PDE1C: variants seen among roughly 807,000 people sequenced by gnomAD.
The protein encoded by PDE1C is dual specificity calcium/calmodulin-dependent 3',5'-cyclic nucleotide phosphodiesterase 1C.
A neutral mutation model predicts 93.1 loss-of-function variants in PDE1C; 62 were observed. The ratio of observed to expected loss-of-function variants is 0.67; its 90% CI spans 0.54 to 0.82. PDE1C has a LOEUF of 0.82. Ranked by LOEUF, PDE1C falls within the 40% of genes least tolerant of loss-of-function variation. The probability of loss-of-function intolerance (pLI) is 0.00; values close to 1 mark genes in which losing one functional copy is unlikely to be tolerated. For synonymous variants in PDE1C, 325 were observed against 310.1 expected (o/e 1.05, Z -0.50); for missense variants, 742 against 884.6 (o/e 0.84, Z 2.04).
chr7:31,842,412 C>T (rs76230432), intron 9 of PDE1C, among the ~76,000 whole-genome samples: 2,025 of 152,044 alleles, frequency 0.013, 45 homozygotes, highest in African/African-American at 0.044. Context: ...TTAAACTATC[C>T]AAGGCTGGAT....
At chr7:31,629,962 TATC>T in the PDE1C span, among the ~76,000 whole-genome samples, 430 of 152,088 alleles carry the variant, frequency 2.8e-3, 1 homozygote, top group African/African-American at 0.01. Flanking sequence ...ATATAATAAA[TATC>T]ATGAATATTT....
At chr7:32,282,274 C>T (rs1010436201) in intron 1 of PDE1C, among the ~76,000 whole-genome samples, 4 of 151,644 alleles carry the variant, frequency 2.6e-5, no homozygotes, top group Non-Finnish European at 4.4e-5. Flanking sequence ...GCCAGGAGTT[C>T]GAGACCAGCC....
At chr7:31,801,130 A>G (rs1562822095) in intron 16 of PDE1C, among the ~76,000 whole-genome samples, 1 of 151,088 alleles carries the variant, frequency 6.6e-6, no homozygotes, top group African/African-American at 2.4e-5. Context: ...AGAAGAAAGG[A>G]AATAATAAAG....
intron 2 of PDE1C, among the ~76,000 whole-genome samples, chr7:31,904,360 TA>T (rs548125686): frequency 6.1e-5 from 9 of 148,500 alleles, no homozygotes; most frequent in South Asian, 2.1e-4. Flanking sequence ...TCACCCAAAA[TA>T]AAAAAAAAAT....
intron 1 of PDE1C, among the ~76,000 whole-genome samples, chr7:32,053,666 T>C (rs1034669454): frequency 1.3e-5 from 2 of 152,128 alleles, no homozygotes; most frequent in Non-Finnish European, 2.9e-5. Flanking sequence ...TGCTATTGGT[T>C]TCCACAGAAT....
At chr7:32,007,534 T>C (rs891233238) in intron 2 of PDE1C, among the ~76,000 whole-genome samples, 2 of 152,220 alleles carry the variant, frequency 1.3e-5, no homozygotes, top group Non-Finnish European at 2.9e-5. Flanking sequence ...AGGCTTATTA[T>C]GAGACAAATC....
intron 7 of PDE1C, among the ~76,000 whole-genome samples, chr7:31,863,375 T>C (rs952896991): frequency 3.9e-5 from 6 of 152,176 alleles, no homozygotes; most frequent in Admixed American, 2.6e-4. Flanking sequence ...ACAGAATATA[T>C]CTTCAACTTT....
chr7:31,810,980 G>T (rs760103033), intron 15 of PDE1C, among the ~76,000 whole-genome samples: 1 of 151,984 alleles, frequency 6.6e-6, no homozygotes, highest in Admixed American at 6.6e-5. Context: ...AACTCTTCAG[G>T]TTCCCTCTCA....
chr7:32,083,272 G>A (rs1796834265), intron 3 of PDE1C, among the ~76,000 whole-genome samples: 1 of 150,796 alleles, frequency 6.6e-6, no homozygotes, highest in African/African-American at 2.4e-5. Context: ...TGAAATGAAT[G>A]AAATGAAGTG....
chr7:31,649,555 A>G, the PDE1C span, among the ~76,000 whole-genome samples: 1 of 152,194 alleles, frequency 6.6e-6, no homozygotes, highest in East Asian at 1.9e-4. Context: ...TGTTAACAAG[A>G]ATAAAGGAGA....
At position 31,816,135 on chromosome 7, in the gene PDE1C, T is replaced by C. The variant is rs573983074; in HGVS notation, c.1602A>G (p.Glu534=). 2 of 1,613,898 alleles carry C rather than the reference T, an allele frequency of 1.2e-6. No homozygotes were observed. The highest frequency in any genetic ancestry group is 2.2e-5 in the East Asian group (1 of 44,854). ...KVPKEEKAKK[E]AEEKARLAAE... is the part of the protein sequence containing the mutation. ...CGGCCAGGCGAGCCTTTTCCTCTGC[T>C]TCCTTCTTGGCCTTCTCCTCTGCAT... The change falls in exon 15 of 18, where the codon GAA becomes GAG. Residue 534 remains glutamate, a synonymous_variant. Transcript: ENST00000396191.
At chr7:32,019,228 C>T (rs1788329820) in intron 2 of PDE1C, among the ~76,000 whole-genome samples, 1 of 147,276 alleles carries the variant, frequency 6.8e-6, no homozygotes, top group African/African-American at 2.5e-5. Context: ...GTAAGAGAAA[C>T]ATCCTGGAAG....
At chr7:32,341,943 C>T (rs1783765949) in intron 1 of PDE1C, among the ~76,000 whole-genome samples, 1 of 152,074 alleles carries the variant, frequency 6.6e-6, no homozygotes, top group African/African-American at 2.4e-5. Context: ...ATAATAATAG[C>T]ACCTACTCAT....
intron 3 of PDE1C, among the ~76,000 whole-genome samples, chr7:32,150,859 T>A (rs1380247703): frequency 6.6e-6 from 1 of 152,122 alleles, no homozygotes; most frequent in Admixed American, 6.5e-5. Flanking sequence ...TTAAGTACAG[T>A]ATCTTTTTTT....
intron 3 of PDE1C, among the ~76,000 whole-genome samples, chr7:31,879,713 C>A (rs1006100873): frequency 6.6e-6 from 1 of 152,136 alleles, no homozygotes; most frequent in African/African-American, 2.4e-5. Context: ...TAATGCAGTT[C>A]TTTATTTGCG....
chr7:31,632,896 T>C, the PDE1C span, among the ~76,000 whole-genome samples: 1 of 151,490 alleles, frequency 6.6e-6, no homozygotes. Flanking sequence ...ATTCATTTAT[T>C]TATTTATTTG....
chr7:32,316,823 G>C (rs529055005), intron 1 of PDE1C, among the ~76,000 whole-genome samples: 1 of 152,324 alleles, frequency 6.6e-6, no homozygotes, highest in East Asian at 1.9e-4. Context: ...TTACCAAAAG[G>C]TACTTTTTTC....
At chr7:32,105,899 C>A (rs1798284896) in intron 3 of PDE1C, among the ~76,000 whole-genome samples, 1 of 152,014 alleles carries the variant, frequency 6.6e-6, no homozygotes, top group East Asian at 1.9e-4. Flanking sequence ...GAAATTCTGC[C>A]CCAAAACAGC....
intron 3 of PDE1C, among the ~76,000 whole-genome samples, chr7:32,157,744 T>C (rs755164396): frequency 6.6e-6 from 1 of 152,040 alleles, no homozygotes; most frequent in Non-Finnish European, 1.5e-5. Context: ...ATTAAAAGAT[T>C]TGGGGGGAAA....
Sources: gnomAD v4.1 joint callset for allele counts (sites outside exome capture counted in the v4.1 genomes callset) on GRCh38, gnomAD v4.1.1 for gene constraint, MANE v1.5 for transcripts, NCBI Gene and HGNC (gene_info 2026-07-23, HGNC 2026-07-21) for gene names.